Variants in TMEM117 observed in about 807,000 individuals in gnomAD.
TMEM117 encodes the protein transmembrane protein 117.
TMEM117 carries 27 observed loss-of-function variants against 52.4 expected under a neutral mutation model. That is an observed-to-expected ratio of 0.51 (90% CI 0.38 to 0.71). TMEM117 has a LOEUF of 0.71. TMEM117 is among the 30% of genes least tolerant of loss of function. The pLI, the probability that TMEM117 is intolerant of heterozygous loss-of-function variation, is 0.00. For missense variants in TMEM117, 556 were observed against 630.5 expected, an observed-to-expected ratio of 0.88 and a Z score of 1.26; for synonymous variants, 215 against 206.3, an observed-to-expected ratio of 1.04 and a Z score of -0.36.
rs139403880 is a variant in TMEM117, at chr12:44,059,532, G to C, written c.411-83993G>C. On this transcript the variant is annotated intron_variant, in intron 3 of 7. Coordinates refer to ENST00000266534, the MANE Select transcript of TMEM117 (RefSeq NM_032256.3). The stretch of plus-strand genomic sequence containing the variant: ...GGGGTGGTCTTTACTTTAAAAATAA[G>C]TGTAAATGGATTATGGCATCCATTT... 3.7e-4 allele frequency among the ~76,000 whole-genome samples: 56 copies of C among 152,196 alleles called. 2 individuals are homozygous for C. Among genetic ancestry groups the C allele is most frequent in the African/African-American group, 1.3e-3 (52 of 41,520 alleles).
chr12:44,271,475 A>G (rs935494566), intron 5 of TMEM117, among the ~76,000 whole-genome samples: 1 of 152,110 alleles, frequency 6.6e-6, no homozygotes, highest in African/African-American at 2.4e-5. Flanking sequence ...AATTTTTGAC[A>G]AAGATGCCAA....
chr12:43,797,868 G>T, the TMEM117 span: 2 of 1,603,768 alleles, frequency 1.2e-6, no homozygotes, highest in South Asian at 2.2e-5. Context: ...AAGTTTAGCA[G>T]TTAGCAGTAT....
chr12:43,857,927 G>C (rs564886044), intron 2 of TMEM117, among the ~76,000 whole-genome samples: 2 of 152,326 alleles, frequency 1.3e-5, no homozygotes, highest in East Asian at 1.9e-4. Context: ...CGAATGTGCT[G>C]ATATGGTAAC....
At chr12:44,397,061 T>G in the TMEM117 span, among the ~76,000 whole-genome samples, 1 of 151,996 alleles carries the variant, frequency 6.6e-6, no homozygotes, top group South Asian at 2.1e-4. Context: ...TTAAAGCGAG[T>G]ATCCCAGTTG....
intron 3 of TMEM117, among the ~76,000 whole-genome samples, chr12:43,988,026 T>A (rs1945876524): frequency 6.6e-6 from 1 of 152,132 alleles, no homozygotes. Context: ...TAATTTTGTA[T>A]CAACTAAAAT....
chr12:44,258,637 T>C (rs1350637235), intron 5 of TMEM117, among the ~76,000 whole-genome samples: 3 of 152,210 alleles, frequency 2.0e-5, no homozygotes, highest in Admixed American at 1.3e-4. Flanking sequence ...GTTCAAAACA[T>C]TTGTAATTAC....
At chr12:44,334,719 C>T (rs1951317782) in intron 6 of TMEM117, among the ~76,000 whole-genome samples, 1 of 151,942 alleles carries the variant, frequency 6.6e-6, no homozygotes, top group African/African-American at 2.4e-5. Context: ...CGGAATCCTC[C>T]ACCACATGAT....
intron 4 of TMEM117, among the ~76,000 whole-genome samples, chr12:44,149,126 C>G (rs1948686266): frequency 6.6e-6 from 1 of 152,086 alleles, no homozygotes; most frequent in Non-Finnish European, 1.5e-5. Flanking sequence ...GTGTAAATGG[C>G]AAAGAGTATA....
intron 6 of TMEM117, among the ~76,000 whole-genome samples, chr12:44,368,048 A>G (rs1033161176): frequency 6.6e-6 from 1 of 151,992 alleles, no homozygotes; most frequent in Non-Finnish European, 1.5e-5. Flanking sequence ...TCTTCAATAC[A>G]ATCATCTCAT....
intron 2 of TMEM117, among the ~76,000 whole-genome samples, chr12:43,869,296 G>A (rs1015975949): frequency 8.5e-5 from 13 of 152,108 alleles, no homozygotes; most frequent in Admixed American, 8.5e-4. Flanking sequence ...GCAAAAGGGA[G>A]AGTCAAGGCT....
intron 5 of TMEM117, among the ~76,000 whole-genome samples, chr12:44,266,570 T>G (rs1020547175): frequency 2.0e-5 from 3 of 152,178 alleles, no homozygotes; most frequent in African/African-American, 7.2e-5. Flanking sequence ...AGTTTGTGGC[T>G]TGCATTTTCA....
At chr12:43,855,816 T>G (rs1004824696) in intron 2 of TMEM117, among the ~76,000 whole-genome samples, 3 of 152,328 alleles carry the variant, frequency 2.0e-5, no homozygotes, top group Admixed American at 2.0e-4. Context: ...TTAGTTTGAA[T>G]TTTTTTGGTA....
intron 5 of TMEM117, among the ~76,000 whole-genome samples, chr12:44,226,249 G>A (rs990521180): frequency 6.6e-6 from 1 of 152,046 alleles, no homozygotes; most frequent in Admixed American, 6.6e-5. Flanking sequence ...AGGTCTCATG[G>A]CCATCTTTTC....
intron 3 of TMEM117, among the ~76,000 whole-genome samples, chr12:43,967,265 C>T (rs1170891207): frequency 2.0e-5 from 3 of 152,104 alleles, no homozygotes; most frequent in African/African-American, 4.8e-5. Flanking sequence ...ACTGGGATTA[C>T]AGGCATGTGC....
intron 2 of TMEM117, among the ~76,000 whole-genome samples, chr12:43,860,302 G>A (rs1389763338): frequency 1.3e-5 from 2 of 152,140 alleles, no homozygotes; most frequent in Admixed American, 1.3e-4. Context: ...TAATGATATA[G>A]GACTTGATTT....
At chr12:43,988,291 C>T (rs963555675) in intron 3 of TMEM117, among the ~76,000 whole-genome samples, 34 of 152,028 alleles carry the variant, frequency 2.2e-4, no homozygotes, top group African/African-American at 8.2e-4. Context: ...AAAATGAGAT[C>T]TACATGTGTG....
intron 5 of TMEM117, among the ~76,000 whole-genome samples, chr12:44,222,945 G>C (rs1028442383): frequency 3.3e-5 from 5 of 151,556 alleles, no homozygotes; most frequent in Non-Finnish European, 7.4e-5. Context: ...GATCCAGGAA[G>C]GTGTTGAAAC....
At chr12:43,938,879 A>G (rs1481452237) in intron 2 of TMEM117, among the ~76,000 whole-genome samples, 1 of 152,068 alleles carries the variant, frequency 6.6e-6, no homozygotes, top group East Asian at 1.9e-4. Flanking sequence ...GTGTGCCTGT[A>G]ATCCCAGCTA....
chr12:44,055,102 A>T (rs111654760), intron 3 of TMEM117, among the ~76,000 whole-genome samples: 5 of 152,356 alleles, frequency 3.3e-5, no homozygotes, highest in African/African-American at 9.6e-5. Context: ...TTAAACTGTT[A>T]ACCTAGAAAA....
Sources: gnomAD v4.1 joint callset for allele counts (sites outside exome capture counted in the v4.1 genomes callset) on GRCh38, gnomAD v4.1.1 for gene constraint, MANE v1.5 for transcripts, NCBI Gene and HGNC (gene_info 2026-07-23, HGNC 2026-07-21) for gene names.